RTN1: variants seen among roughly 807,000 people sequenced by gnomAD.
RTN1 encodes reticulon 1.
A neutral mutation model predicts 65.5 loss-of-function variants in RTN1; 25 were observed. That is an observed-to-expected ratio of 0.38 (90% CI 0.28 to 0.53). The LOEUF is 0.53. Ranked by LOEUF, RTN1 falls within the 20% of genes least tolerant of loss-of-function variation. The pLI is 0.79. For synonymous variants in RTN1, 471 were observed against 447.6 expected (o/e 1.05, Z -0.66); for missense variants, 983 against 1,025.4 (o/e 0.96, Z 0.57).
At chr14:59,612,488 A>G (rs896063673) in intron 3 of RTN1, among the ~76,000 whole-genome samples, 2 of 152,236 alleles carry the variant, frequency 1.3e-5, no homozygotes, top group African/African-American at 4.8e-5. Context: ...TGATTAATAG[A>G]AAAAAGGATT....
intron 1 of RTN1, among the ~76,000 whole-genome samples, chr14:59,827,927 C>G (rs750720242): frequency 3.9e-5 from 6 of 152,182 alleles, no homozygotes; most frequent in Non-Finnish European, 8.8e-5. Flanking sequence ...TTCTACTCAT[C>G]TTTGGTATCT....
intron 4 of RTN1, 60 bp from the exon 5 acceptor site, chr14:59,605,566 G>C: frequency 6.4e-7 from 1 of 1,574,180 alleles, no homozygotes; most frequent in South Asian, 1.1e-5. Context: ...ACAGGCTGCC[G>C]AACCCCAGTA....
intron 1 of RTN1, among the ~76,000 whole-genome samples, chr14:59,798,699 A>T (rs1011793719): frequency 6.8e-6 from 1 of 146,394 alleles, no homozygotes; most frequent in Non-Finnish European, 1.5e-5. Context: ...TAATCTCAAC[A>T]TTTTAATATT....
Position 59,596,371 on chromosome 14 carries a change from A to C in RTN1, c.*374T>G, listed in dbSNP as rs1293013220. On this transcript the variant is annotated 3_prime_UTR_variant, in exon 9 of 9. Transcript: ENST00000267484. The stretch of plus-strand genomic sequence containing the variant: ...ACATATAAGCGATTTCCACTATTGC[A>C]TCAGAGCACTCGGCAGGAAAGGCCT... 5.9e-6 allele frequency: 1 copy of C among 169,382 alleles called. No homozygotes were observed. The highest frequency in any genetic ancestry group is 1.3e-5 in the Non-Finnish European group (1 of 78,986). The allele number at this position is 169,382 out of a possible 1,614,324, so 10.5% of individuals were successfully genotyped here. A position where few individuals can be genotyped will look rare whatever the true frequency, so the allele number is the denominator to read the frequency against.
intron 1 of RTN1, among the ~76,000 whole-genome samples, chr14:59,815,254 T>C (rs987714091): frequency 6.6e-6 from 1 of 152,144 alleles, no homozygotes; most frequent in Non-Finnish European, 1.5e-5. Context: ...AAAAATAGAA[T>C]TTTCCCTCTT....
intron 3 of RTN1, among the ~76,000 whole-genome samples, chr14:59,696,368 C>A (rs1884062952): frequency 1.3e-5 from 2 of 152,078 alleles, no homozygotes; most frequent in Admixed American, 1.3e-4. Flanking sequence ...ATCCTCAGAG[C>A]TAAGACACCG....
intron 3 of RTN1, among the ~76,000 whole-genome samples, chr14:59,655,789 A>G (rs570649348): frequency 6.6e-6 from 1 of 152,340 alleles, no homozygotes; most frequent in Non-Finnish European, 1.5e-5. Flanking sequence ...CTGGATATGA[A>G]CAAGAACAAA....
At chr14:59,860,887 T>C (rs923185854) in intron 1 of RTN1, among the ~76,000 whole-genome samples, 6 of 152,208 alleles carry the variant, frequency 3.9e-5, no homozygotes, top group African/African-American at 9.6e-5. Flanking sequence ...ATTTCTCCCA[T>C]TTAGAATGGC....
intron 3 of RTN1, among the ~76,000 whole-genome samples, chr14:59,699,808 G>A (rs1177834582): frequency 1.3e-5 from 2 of 152,114 alleles, no homozygotes; most frequent in Non-Finnish European, 2.9e-5. Flanking sequence ...CAAAACTCAA[G>A]CCATCCAATC....
intron 3 of RTN1, among the ~76,000 whole-genome samples, chr14:59,688,473 A>G (rs938992190): frequency 6.6e-6 from 1 of 152,036 alleles, no homozygotes; most frequent in African/African-American, 2.4e-5. Context: ...CCCATTTGCC[A>G]CCTGTCCCAC....
chr14:59,750,239 TTATATCTATAATATATAA>T, intron 1 of RTN1, among the ~76,000 whole-genome samples: 1 of 61,034 alleles, frequency 1.6e-5, no homozygotes, highest in African/African-American at 8.0e-5. Flanking sequence ...AATATATATA[TTATATCTATAATATATAA>T]TATATATAAT....
intron 1 of RTN1, among the ~76,000 whole-genome samples, chr14:59,808,258 T>C (rs1173467533): frequency 6.6e-6 from 1 of 152,182 alleles, no homozygotes; most frequent in Admixed American, 6.5e-5. Flanking sequence ...CAAATCAGAC[T>C]GTTGTAACTA....
chr14:59,783,309 G>A (rs78596912), intron 1 of RTN1, among the ~76,000 whole-genome samples: 1,865 of 152,260 alleles, frequency 0.012, 36 homozygotes, highest in African/African-American at 0.042. Context: ...GGCGTAGAGA[G>A]GGAAGCAAGA....
At chr14:59,659,140 T>C (rs1399655746) in intron 3 of RTN1, among the ~76,000 whole-genome samples, 2 of 150,766 alleles carry the variant, frequency 1.3e-5, no homozygotes, top group Non-Finnish European at 2.9e-5. Context: ...TATCAGAGAT[T>C]GAAGATCAAC....
At chr14:59,866,688 G>A (rs551175694) in intron 1 of RTN1, among the ~76,000 whole-genome samples, 2 of 152,042 alleles carry the variant, frequency 1.3e-5, no homozygotes, top group Non-Finnish European at 2.9e-5. Flanking sequence ...CATCTTATAT[G>A]TTTCTTTAAA....
intron 3 of RTN1, among the ~76,000 whole-genome samples, chr14:59,720,758 G>A (rs1275831243): frequency 6.6e-6 from 1 of 150,682 alleles, no homozygotes. Context: ...GTGGAAAATC[G>A]ATGTCTCCAT....
At chr14:59,675,935 C>T (rs2140218327) in intron 3 of RTN1, among the ~76,000 whole-genome samples, 1 of 152,298 alleles carries the variant, frequency 6.6e-6, no homozygotes, top group East Asian at 1.9e-4. Flanking sequence ...TCCTACTCAA[C>T]TTTCAATCCT....
chr14:59,654,413 A>G (rs1396676909), intron 3 of RTN1, among the ~76,000 whole-genome samples: 1 of 140,422 alleles, frequency 7.1e-6, no homozygotes, highest in African/African-American at 2.8e-5. Flanking sequence ...TGGGTGACAG[A>G]GCGAGACTCT....
chr14:59,853,569 A>G (rs1175894284), intron 1 of RTN1, among the ~76,000 whole-genome samples: 1 of 151,950 alleles, frequency 6.6e-6, no homozygotes, highest in Non-Finnish European at 1.5e-5. Flanking sequence ...TGCACCCAGA[A>G]CTCTGCCCAG....
Sources: gnomAD v4.1 joint callset for allele counts (sites outside exome capture counted in the v4.1 genomes callset) on GRCh38, gnomAD v4.1.1 for gene constraint, MANE v1.5 for transcripts, NCBI Gene and HGNC (gene_info 2026-07-23, HGNC 2026-07-21) for gene names.